Variants in ZHX2 observed in about 807,000 individuals in gnomAD.
The protein encoded by ZHX2 is zinc fingers and homeoboxes 2.
Under a neutral mutation model 21.9 loss-of-function variants are expected in ZHX2, and 6 were observed. The observed-to-expected ratio is 0.27, with a 90% CI of 0.15 to 0.54. The LOEUF (loss-of-function observed/expected upper bound fraction) is 0.54, where lower values mean the gene tolerates loss of function less well. Ranked by LOEUF, ZHX2 falls within the 20% of genes least tolerant of loss-of-function variation. ZHX2 has a pLI of 0.95. For synonymous variants in ZHX2, 434 were observed against 437.1 expected (o/e 0.99, Z 0.09); for missense variants, 908 against 1,090.7 (o/e 0.83, Z 2.36).
At chr8:122,964,402 C>T (rs1353762020) in intron 3 of ZHX2, among the ~76,000 whole-genome samples, 1 of 152,000 alleles carries the variant, frequency 6.6e-6, no homozygotes, top group East Asian at 1.9e-4. Context: ...TTGAGATGAT[C>T]ATATGATTTT....
At chr8:122,825,269 C>T (rs1377436827) in intron 1 of ZHX2, among the ~76,000 whole-genome samples, 3 of 152,232 alleles carry the variant, frequency 2.0e-5, no homozygotes, top group African/African-American at 7.2e-5. Context: ...CCCACACCTT[C>T]TGTGCCCCAT....
intron 2 of ZHX2, among the ~76,000 whole-genome samples, chr8:122,950,248 A>G (rs1813076671): frequency 6.6e-6 from 1 of 152,242 alleles, no homozygotes; most frequent in South Asian, 2.1e-4. Flanking sequence ...GCTGTAAAAA[A>G]AAGAATGAGT....
intron 2 of ZHX2, among the ~76,000 whole-genome samples, chr8:122,870,040 T>C (rs866220694): frequency 6.6e-6 from 1 of 152,234 alleles, no homozygotes; most frequent in Non-Finnish European, 1.5e-5. Context: ...AAGTCTTTCA[T>C]TCTGCCTGTG....
chr8:122,833,378 C>T (rs1358135126), intron 1 of ZHX2, among the ~76,000 whole-genome samples: 2 of 151,994 alleles, frequency 1.3e-5, no homozygotes, highest in Non-Finnish European at 2.9e-5. Context: ...GGCTTTAGGC[C>T]TATGAGAGCT....
intron 2 of ZHX2, among the ~76,000 whole-genome samples, chr8:122,947,529 A>G (rs1813008025): frequency 1.3e-5 from 2 of 152,260 alleles, no homozygotes; most frequent in Admixed American, 1.3e-4. Context: ...GATACAAATG[A>G]TAAACAAGTG....
intron 2 of ZHX2, among the ~76,000 whole-genome samples, chr8:122,903,490 G>A (rs563447057): frequency 6.6e-6 from 1 of 152,306 alleles, no homozygotes; most frequent in Admixed American, 6.5e-5. Flanking sequence ...TGGAGAACGT[G>A]GGCATTGAGA....
chr8:122,859,364 G>A (rs1819107898), intron 1 of ZHX2, among the ~76,000 whole-genome samples: 1 of 152,184 alleles, frequency 6.6e-6, no homozygotes, highest in African/African-American at 2.4e-5. Flanking sequence ...GTCAGTTGAG[G>A]ATAATAATGG....
At chr8:122,861,337 A>G (rs530266234) in intron 1 of ZHX2, among the ~76,000 whole-genome samples, 1 of 152,324 alleles carries the variant, frequency 6.6e-6, no homozygotes, top group South Asian at 2.1e-4. Context: ...TATGGACATC[A>G]TTCCACTGTA....
intron 1 of ZHX2, among the ~76,000 whole-genome samples, chr8:122,837,043 C>G (rs1489762909): frequency 6.6e-6 from 1 of 152,176 alleles, no homozygotes; most frequent in Non-Finnish European, 1.5e-5. Flanking sequence ...GTCATCCTCA[C>G]TGCTACACTC....
At chr8:122,807,588 A>G (rs563475641) in intron 1 of ZHX2, among the ~76,000 whole-genome samples, 2 of 152,348 alleles carry the variant, frequency 1.3e-5, no homozygotes, top group Admixed American at 6.5e-5. Context: ...TGCCCTGAGC[A>G]CTGGGTCAGG....
chr8:122,886,862 C>T lies in ZHX2; in HGVS notation c.-220+23323C>T, dbSNP rs560042028. Among the ~76,000 whole-genome samples, 9 of 152,188 alleles carry T rather than the reference C, an allele frequency of 5.9e-5. No individual in the cohort carries two copies. In the South Asian group the frequency reaches 1.9e-3, roughly 32 times the overall value. On this transcript the variant is annotated intron_variant, in intron 2 of 3. Coordinates refer to ENST00000314393, the MANE Select transcript of ZHX2 (RefSeq NM_014943.5). ...GGTCCAAGCAGACAAATATTTGAGC[C>T]TTTTGTATTTGGTCCACACCACTGC...
intron 1 of ZHX2, among the ~76,000 whole-genome samples, chr8:122,784,496 T>A (rs931970306): frequency 3.3e-5 from 5 of 152,144 alleles, no homozygotes; most frequent in Admixed American, 6.5e-5. Flanking sequence ...ACGTCACAGT[T>A]AGAATAAAAA....
At chr8:122,918,093 A>C (rs924870894) in intron 2 of ZHX2, among the ~76,000 whole-genome samples, 1 of 152,188 alleles carries the variant, frequency 6.6e-6, no homozygotes, top group Non-Finnish European at 1.5e-5. Flanking sequence ...CTGAGCTCTC[A>C]CTTTGACCCA....
chr8:122,965,522 T>TA (rs1425589454), intron 3 of ZHX2, among the ~76,000 whole-genome samples: 1 of 152,212 alleles, frequency 6.6e-6, no homozygotes, highest in Non-Finnish European at 1.5e-5. Flanking sequence ...GTACTTGATA[T>TA]AATTTCAATT....
intron 1 of ZHX2, among the ~76,000 whole-genome samples, chr8:122,851,081 C>T (rs1818885130): frequency 6.6e-6 from 1 of 152,130 alleles, no homozygotes; most frequent in Non-Finnish European, 1.5e-5. Flanking sequence ...GCATGGAACT[C>T]CAAGGGTGCC....
chr8:122,865,494 A>C (rs868371672), intron 2 of ZHX2, among the ~76,000 whole-genome samples: 9 of 152,130 alleles, frequency 5.9e-5, no homozygotes, highest in African/African-American at 1.9e-4. Context: ...CATTCATAGA[A>C]CCTGGCACGT....
At chr8:122,825,403 G>T (rs1314296266) in intron 1 of ZHX2, among the ~76,000 whole-genome samples, 2 of 152,116 alleles carry the variant, frequency 1.3e-5, no homozygotes, top group African/African-American at 4.8e-5. Flanking sequence ...TCTGGTACTT[G>T]GTAAGCATGT....
intron 1 of ZHX2, among the ~76,000 whole-genome samples, chr8:122,814,254 C>T (rs1450433028): frequency 6.6e-6 from 1 of 152,190 alleles, no homozygotes; most frequent in Non-Finnish European, 1.5e-5. Context: ...AGGATTGGCT[C>T]TCTACTAAAA....
chr8:122,821,090 C>T (rs1818135928), intron 1 of ZHX2, among the ~76,000 whole-genome samples: 1 of 152,170 alleles, frequency 6.6e-6, no homozygotes, highest in Non-Finnish European at 1.5e-5. Flanking sequence ...CACAGCCGTT[C>T]ACATCTGGGT....
Sources: gnomAD v4.1 joint callset for allele counts (sites outside exome capture counted in the v4.1 genomes callset) on GRCh38, gnomAD v4.1.1 for gene constraint, MANE v1.5 for transcripts, NCBI Gene and HGNC (gene_info 2026-07-23, HGNC 2026-07-21) for gene names.